The following CLK3 variants were observed in gnomAD, a reference collection of about 807,000 sequenced individuals.
The protein encoded by CLK3 is CDC like kinase 3, also known as dual specificity protein kinase CLK3.
CLK3 carries 24 observed loss-of-function variants against 65.2 expected under a neutral mutation model. That is an observed-to-expected ratio of 0.37 (90% CI 0.27 to 0.52). CLK3 has a LOEUF of 0.52. Ranked by LOEUF, CLK3 falls within the 20% of genes least tolerant of loss-of-function variation. CLK3 has a pLI of 0.92. For missense variants in CLK3, 506 were observed against 660.0 expected, an observed-to-expected ratio of 0.77 and a Z score of 2.56; for synonymous variants, 252 against 240.8, an observed-to-expected ratio of 1.05 and a Z score of -0.43.
upstream of CLK3, chr15:74,615,544 G>A: frequency 2.3e-6 from 3 of 1,281,788 alleles, no homozygotes; most frequent in South Asian, 4.9e-5. Context: ...CCAGGTCGGG[G>A]CCCCACCTCT....
In CLK3 at chr15:74,621,313, A is replaced by G. The variant is rs532145304; in HGVS notation, c.370-807A>G. On this transcript the variant is annotated intron_variant, in intron 3 of 12. Coordinates refer to ENST00000395066, the MANE Select transcript of CLK3 (RefSeq NM_001130028.2). This position sits in a 1 kb window ranked among gnomAD's most constrained non-coding sequence, Gnocchi z 4.8. ...GTCGTGAGGCTTGGGATGGGCCTAG[A>G]TTGTGAGCAGCATGGGTGCCAAGGC... is the stretch of plus-strand genomic sequence containing the variant. 257 of 156,806 alleles carry G rather than the reference A, an allele frequency of 1.6e-3. 2 individuals are homozygous for G. The highest frequency in any genetic ancestry group is 1.4e-3 in the Non-Finnish European group (97 of 70,872). 9.7% of individuals were successfully genotyped at this position (156,806 alleles called of 1,614,324 possible). A position where few individuals can be genotyped will look rare whatever the true frequency, so the allele number is the denominator to read the frequency against.
intron 3 of CLK3, 62 bp downstream of exon 3, chr15:74,620,287 C>G (rs761116304): frequency 1.0e-5 from 16 of 1,597,422 alleles, no homozygotes; most frequent in African/African-American, 1.3e-5. Flanking sequence ...CTAGCCTTCT[C>G]TCAGGCTGGC....
At position 74,627,920 on chromosome 15, in the gene CLK3, C is replaced by A; in HGVS notation, c.1043-50C>A. The A allele has an allele frequency of 6.9e-7, 1 of 1,455,748 alleles. No individual in the cohort carries two copies. Among genetic ancestry groups the A allele is most frequent in the Non-Finnish European group, 9.6e-7 (1 of 1,036,428 alleles). 90.2% of individuals were successfully genotyped at this position (1,455,748 alleles called of 1,614,324 possible). A position where few individuals can be genotyped will look rare whatever the true frequency, so the allele number is the denominator to read the frequency against. On this transcript the variant is annotated intron_variant, in intron 9 of 12. Coordinates refer to ENST00000395066, the MANE Select transcript of CLK3 (RefSeq NM_001130028.2). The surrounding 1 kb of genome is among the most constrained non-coding windows in gnomAD (Gnocchi z 4.3). Reference sequence around the variant, plus strand: ...TGGTGGCTGCCTTGTGACTTCCAGGCTGGAAGCATAAGGCCGGATCTCACA... The same window carrying A: ...TGGTGGCTGCCTTGTGACTTCCAGGATGGAAGCATAAGGCCGGATCTCACA...
Position 74,622,552 on chromosome 15 carries a change from C to A in CLK3, c.525C>A (p.Asp175Glu). 1 of 1,612,398 alleles carries A rather than the reference C, an allele frequency of 6.2e-7. No homozygotes were observed. Among genetic ancestry groups the A allele is most frequent in the Non-Finnish European group, 8.5e-7 (1 of 1,179,054 alleles). ...TTGGCAAGGTGGTGGAGTGCTTGGA[C>A]CATGCCAGGTGAGCGAGCTGCGGCA... ...GTFGKVVECL[D>E]HARGKSQVAL... The change falls in exon 5 of 13, where the codon GAC becomes GAA. Residue 175 changes from aspartate (D) to glutamate (E), a missense_variant. Coordinates refer to ENST00000395066, the MANE Select transcript of CLK3 (RefSeq NM_001130028.2). This position sits in a 1 kb window ranked among gnomAD's most constrained non-coding sequence, Gnocchi z 4.6.
Position 74,619,990 on chromosome 15 carries a change from C to T in CLK3, c.153-19C>T. 1 of 1,613,866 alleles carries T rather than the reference C, an allele frequency of 6.2e-7. No homozygotes were observed. The highest frequency in any genetic ancestry group is 1.3e-5 in the African/African-American group (1 of 75,054). ...AGCAAGGACCCAGCTGACCAGCGTC[C>T]CCATCCCCCTTTTGGCAGCCATGAC... On this transcript the variant is annotated intron_variant, in intron 2 of 12. Coordinates refer to ENST00000395066, the MANE Select transcript of CLK3 (RefSeq NM_001130028.2).
chr15:74,619,230 C>A lies in CLK3; in HGVS notation c.34C>A (p.Pro12Thr), dbSNP rs1375890724. 1.9e-6 allele frequency: 3 copies of A among 1,614,072 alleles called. No individual in the cohort carries two copies. Among genetic ancestry groups the A allele is most frequent in the Non-Finnish European group, 2.5e-6 (3 of 1,180,024 alleles). Residue 12 changes from proline (P) to threonine (T), a missense_variant, in exon 2 of 13, where the codon CCA becomes ACA. Pro to Thr is a conservative substitution (Grantham distance 38, BLOSUM62 -1). This residue lies in a region of CLK3 where 181 missense variants were observed against 159.4 expected (regional missense o/e 1.14). Transcript: ENST00000395066. The stretch of plus-strand genomic sequence containing the variant: ...CTGTAAGCGATACCGCTCCCCTGAA[C>A]CAGACCCGTACCTGAGCTACCGATG... ...HHCKRYRSPEPDPYLSYRWKR... is the reference protein window; with the variant it reads ...HHCKRYRSPETDPYLSYRWKR...
At chr15:74,611,971 C>T (rs1030636915), upstream of CLK3, among the ~76,000 whole-genome samples, 7 of 152,234 alleles carry the variant, frequency 4.6e-5, no homozygotes, top group African/African-American at 7.2e-5. Flanking sequence ...TCACTAAACA[C>T]CAGCCTCAAC....
chr15:74,620,601 G>A, intron 3 of CLK3: 1 of 299,698 alleles, frequency 3.3e-6, no homozygotes. Flanking sequence ...TATATGGCCT[G>A]GTCCTTCCCA....
In CLK3 at chr15:74,627,768, C is replaced by G; in HGVS notation, c.1042+100C>G. On this transcript the variant is annotated intron_variant, in intron 9 of 12. Coordinates refer to ENST00000395066, the MANE Select transcript of CLK3 (RefSeq NM_001130028.2). This position sits in a 1 kb window ranked among gnomAD's most constrained non-coding sequence, Gnocchi z 4.3. The stretch of plus-strand genomic sequence containing the variant: ...GCCTGTCATTCTCTGCCACCCAGGG[C>G]AGGCAGAGTTTCTCAGACCAAGGGG... 6.5e-7 allele frequency: 1 copy of G among 1,534,756 alleles called. No individual in the cohort carries two copies. Among genetic ancestry groups the G allele is most frequent in the South Asian group, 1.2e-5 (1 of 85,356 alleles).
intron 3 of CLK3, 198 bp downstream of exon 3, chr15:74,620,423 T>G: frequency 2.7e-6 from 2 of 734,094 alleles, no homozygotes; most frequent in Non-Finnish European, 4.4e-6. Context: ...CTTCTGGCTC[T>G]TTCCAGTGGC....
chr15:74,622,025 C>T lies in CLK3; in HGVS notation c.370-95C>T. 8.5e-7 allele frequency: 1 copy of T among 1,174,584 alleles called. No homozygotes were observed. Among genetic ancestry groups the T allele is most frequent in the Non-Finnish European group, 1.3e-6 (1 of 788,450 alleles). 72.8% of individuals were successfully genotyped at this position (1,174,584 alleles called of 1,614,324 possible). On this transcript the variant is annotated intron_variant, in intron 3 of 12. Transcript: ENST00000395066. The surrounding 1 kb of genome is among the most constrained non-coding windows in gnomAD (Gnocchi z 4.6). ...AACCAACCCACCGGCTCCTCACCGT[C>T]TCCACCTCTGCCTTTGACTGACACC...
chr15:74,610,662 C>T (rs1291035198), intron 1 of CLK3, among the ~76,000 whole-genome samples: 1 of 152,236 alleles, frequency 6.6e-6, no homozygotes, highest in African/African-American at 2.4e-5. Context: ...GCATCTCTAC[C>T]TCCAGCTGGG....
chr15:74,615,791 G>A (rs8040674), upstream of CLK3: 137,738 of 1,243,160 alleles, frequency 0.11, 12,143 homozygotes, highest in East Asian at 0.39. Flanking sequence ...GGCGACGGCT[G>A]CGTCACGCGA....
At chr15:74,619,120 C>A (rs2062082001) in intron 1 of CLK3, 77 bp from the exon 2 acceptor site, 4 of 1,568,954 alleles carry the variant, frequency 2.5e-6, no homozygotes, top group Non-Finnish European at 8.7e-7. Context: ...CAGGAGCAAC[C>A]GGGAAGCCCC....
intron 1 of CLK3, among the ~76,000 whole-genome samples, chr15:74,610,300 CACTT>C (rs1364748913): frequency 6.6e-6 from 1 of 152,206 alleles, no homozygotes; most frequent in Non-Finnish European, 1.5e-5. Flanking sequence ...CAGCCCCACT[CACTT>C]GTCTTCTATG....
In CLK3 at chr15:74,630,120, C is replaced by T. The variant is rs2062181960; in HGVS notation, c.*237C>T. 4.2e-6 allele frequency: 2 copies of T among 477,002 alleles called. No individual in the cohort carries two copies. The highest frequency in any genetic ancestry group is 7.5e-6 in the Non-Finnish European group (2 of 266,634). The allele number at this position is 477,002 out of a possible 1,614,324, so 29.5% of individuals were successfully genotyped here. A position where few individuals can be genotyped will look rare whatever the true frequency, so the allele number is the denominator to read the frequency against. On this transcript the variant is annotated 3_prime_UTR_variant, in exon 13 of 13. Transcript: ENST00000395066. Reference sequence around the variant, plus strand: ...TAAAGTGTTTCTTACTGTTTGTAACCCCTGGTACCAGTGTGTCCATCTCCA... The same window carrying T: ...TAAAGTGTTTCTTACTGTTTGTAACTCCTGGTACCAGTGTGTCCATCTCCA...
chr15:74,611,665 C>G (rs568476131), upstream of CLK3, among the ~76,000 whole-genome samples: 1 of 152,368 alleles, frequency 6.6e-6, no homozygotes, highest in Admixed American at 6.5e-5. Context: ...CCATGCCCAA[C>G]TTTCCTATGC....
intron 6 of CLK3, 113 bp downstream of exon 6, chr15:74,625,131 C>CCA: frequency 1.3e-6 from 1 of 758,416 alleles, no homozygotes; most frequent in South Asian, 1.6e-5. Context: ...ACACTCAGAA[C>CCA]CAGGGGAGTG....
At position 74,619,218 on chromosome 15, in the gene CLK3, C is replaced by T. The variant is rs574308834; in HGVS notation, c.22C>T (p.Arg8Cys). The T allele has an allele frequency of 1.5e-5, 25 of 1,614,022 alleles. No individual in the cohort carries two copies. Among genetic ancestry groups the T allele is most frequent in the African/African-American group, 2.7e-5 (2 of 74,918 alleles). ...CTAGATGCATCACTGTAAGCGATAC[C>T]GCTCCCCTGAACCAGACCCGTACCT... is the stretch of plus-strand genomic sequence containing the variant. MHHCKRY[R>C]SPEPDPYLSY... The change falls in exon 2 of 13, where the codon CGC becomes TGC. Residue 8 changes from arginine to cysteine, a missense_variant. Transcript: ENST00000395066.
Sources: allele counts gnomAD v4.1 joint callset (sites outside exome capture counted in the v4.1 genomes callset), GRCh38; gene constraint gnomAD v4.1.1; regional missense constraint gnomAD v4.1.1; non-coding constraint Gnocchi (gnomAD v3.1); transcripts MANE v1.5; gene names NCBI Gene and HGNC (gene_info 2026-07-23, HGNC 2026-07-21).